Variants in TMEM68 observed in about 807,000 individuals in gnomAD.
TMEM68 encodes the protein DGAT1/2-independent enzyme synthesizing storage lipids.
A neutral mutation model predicts 36.9 loss-of-function variants in TMEM68; 25 were observed. The observed-to-expected ratio is 0.68, with a 90% CI of 0.49 to 0.95. TMEM68 has a LOEUF of 0.95. TMEM68 is among the 40% of genes least tolerant of loss of function. TMEM68 has a pLI of 0.00. For missense variants in TMEM68, 333 were observed against 392.0 expected, an observed-to-expected ratio of 0.85 and a Z score of 1.27; for synonymous variants, 131 against 124.4, an observed-to-expected ratio of 1.05 and a Z score of -0.35.
At chr8:55,758,689 T>C (rs1226079112) in intron 3 of TMEM68, among the ~76,000 whole-genome samples, 1 of 152,128 alleles carries the variant, frequency 6.6e-6, no homozygotes, top group East Asian at 1.9e-4. Flanking sequence ...GCCTGTAGTC[T>C]CAGTTACTTG....
Position 55,754,364 on chromosome 8 carries a change from G to A in TMEM68, c.493+1880C>T, listed in dbSNP as rs577383060. Among the ~76,000 whole-genome samples the A allele has an allele frequency of 1.8e-4, 27 of 148,328 alleles. 1 individual carries two copies. The highest frequency in any genetic ancestry group is 1.4e-3 in the Admixed American group (20 of 14,274). On this transcript the variant is annotated intron_variant, in intron 4 of 7. Transcript: ENST00000434581. ...CGGTTGAACTACTTGGGAGGCTGAG[G>A]TACGAGAATCAGAGGTTGCAATGAG...
chr8:55,757,170 T>G (rs1256355373), intron 3 of TMEM68, among the ~76,000 whole-genome samples: 3 of 152,102 alleles, frequency 2.0e-5, no homozygotes, highest in Non-Finnish European at 4.4e-5. Flanking sequence ...ACCCTACTGA[T>G]GAGAAAAAGC....
At chr8:55,750,802 T>G in intron 5 of TMEM68, 162 bp downstream of exon 5, 1 of 632,350 alleles carries the variant, frequency 1.6e-6, no homozygotes, top group Non-Finnish European at 2.6e-6. Context: ...CCTCCCAAAG[T>G]GCTGAGATTA....
intron 1 of TMEM68, among the ~76,000 whole-genome samples, chr8:55,772,150 C>G (rs1297195885): frequency 6.6e-6 from 1 of 152,102 alleles, no homozygotes; most frequent in African/African-American, 2.4e-5. Flanking sequence ...AGCCTATCTC[C>G]GACCTCAAAG....
Position 55,745,044 on chromosome 8 carries a change from T to C in TMEM68, c.748+17A>G, listed in dbSNP as rs887623013. The C allele has an allele frequency of 1.4e-6, 2 of 1,459,374 alleles. No homozygotes were observed. Among genetic ancestry groups the C allele is most frequent in the East Asian group, 2.6e-5 (1 of 39,022 alleles). 90.4% of individuals were successfully genotyped at this position (1,459,374 alleles called of 1,614,324 possible). A position where few individuals can be genotyped will look rare whatever the true frequency, so the allele number is the denominator to read the frequency against. On this transcript the variant is annotated intron_variant, in intron 6 of 7. Coordinates refer to ENST00000434581, the MANE Select transcript of TMEM68 (RefSeq NM_001286657.2). ...AAAATTACATTGTAATTTAAAACCA[T>C]ACAAATCAGAACTTACTTGTTCCTC...
chr8:55,760,171 A>G (rs1810738323), intron 3 of TMEM68, among the ~76,000 whole-genome samples: 1 of 152,262 alleles, frequency 6.6e-6, no homozygotes, highest in African/African-American at 2.4e-5. Context: ...TGCTGTTGGC[A>G]GTTAGTAGGG....
At chr8:55,762,317 C>T in intron 3 of TMEM68, 1 of 349,438 alleles carries the variant, frequency 2.9e-6, no homozygotes, top group Non-Finnish European at 5.0e-6. Context: ...ATAATTGAAG[C>T]ATTTTTAAAG....
intron 1 of TMEM68, among the ~76,000 whole-genome samples, chr8:55,771,823 G>A (rs1291455380): frequency 6.6e-6 from 1 of 152,142 alleles, no homozygotes; most frequent in Admixed American, 6.5e-5. Flanking sequence ...CTGTTTTACT[G>A]AATAGGACTT....
intron 4 of TMEM68, among the ~76,000 whole-genome samples, chr8:55,752,756 GCT>G (rs1810459555): frequency 7.6e-6 from 1 of 130,962 alleles, no homozygotes; most frequent in Non-Finnish European, 1.6e-5. Flanking sequence ...ACAGGGCCTT[GCT>G]CTGTCACCCA....
At chr8:55,770,668 C>T (rs773195805) in intron 1 of TMEM68, among the ~76,000 whole-genome samples, 10 of 151,882 alleles carry the variant, frequency 6.6e-5, no homozygotes, top group Non-Finnish European at 1.3e-4. Context: ...CTGAGCAAGA[C>T]CCTGTCTCGG....
At chr8:55,760,909 G>A (rs1810770707) in intron 3 of TMEM68, 2 of 152,082 alleles carry the variant, frequency 1.3e-5, no homozygotes, top group African/African-American at 4.8e-5. Flanking sequence ...CTGAGTTTGA[G>A]GATCAACTGT....
At chr8:55,764,202 T>C (rs867691619) in intron 1 of TMEM68, among the ~76,000 whole-genome samples, 1 of 152,230 alleles carries the variant, frequency 6.6e-6, no homozygotes, top group Non-Finnish European at 1.5e-5. Context: ...AGTGCCACTA[T>C]ATAGAGCCCC....
chr8:55,748,315 G>A (rs1019529103), intron 5 of TMEM68, among the ~76,000 whole-genome samples: 3 of 152,122 alleles, frequency 2.0e-5, no homozygotes, highest in Non-Finnish European at 4.4e-5. Context: ...TTACAGGCAT[G>A]TGCCACCACA....
At chr8:55,765,690 A>G (rs1810942874) in intron 1 of TMEM68, among the ~76,000 whole-genome samples, 1 of 152,208 alleles carries the variant, frequency 6.6e-6, no homozygotes, top group African/African-American at 2.4e-5. Flanking sequence ...TGAGCCCAGC[A>G]AAGATTATAC....
intron 3 of TMEM68, among the ~76,000 whole-genome samples, chr8:55,758,429 C>T (rs1250702148): frequency 1.3e-5 from 2 of 152,056 alleles, no homozygotes; most frequent in Non-Finnish European, 2.9e-5. Flanking sequence ...CATAAAATAG[C>T]AAGAAAAAAA....
intron 5 of TMEM68, among the ~76,000 whole-genome samples, chr8:55,748,850 G>A (rs969727442): frequency 3.9e-5 from 6 of 152,052 alleles, no homozygotes; most frequent in African/African-American, 1.4e-4. Context: ...CTTGGCCTCC[G>A]AAAGTGCTGG....
intron 5 of TMEM68, among the ~76,000 whole-genome samples, chr8:55,749,163 G>A (rs1027496043): frequency 6.6e-6 from 1 of 152,112 alleles, no homozygotes; most frequent in African/African-American, 2.4e-5. Context: ...CTCAACTTAT[G>A]TAGACATGAA....
chr8:55,762,945 A>G lies in TMEM68; in HGVS notation c.15T>C (p.Asn5=), dbSNP rs762298004. 1.9e-6 allele frequency: 3 copies of G among 1,576,612 alleles called. No homozygotes were observed. The South Asian group carries it at 3.5e-5, about 18-fold the overall frequency. Residue 5 remains asparagine (N), a synonymous_variant, in exon 3 of 8, where the codon AAT becomes AAC. Coordinates refer to ENST00000434581, the MANE Select transcript of TMEM68 (RefSeq NM_001286657.2). ...AATCCTGTCCTACACCACAGGTTTG[A>G]TTTTTGTCTATCATTTTTCTTCAGG... is the stretch of plus-strand genomic sequence containing the variant. MIDK[N]QTCGVGQDSV... is the part of the protein sequence containing the mutation.
intron 1 of TMEM68, among the ~76,000 whole-genome samples, chr8:55,766,974 T>C (rs968091295): frequency 6.6e-6 from 1 of 152,188 alleles, no homozygotes; most frequent in Non-Finnish European, 1.5e-5. Context: ...TGAGTTTGTA[T>C]CCTGGGAGGC....
Sources: allele counts gnomAD v4.1 joint callset (sites outside exome capture counted in the v4.1 genomes callset), GRCh38; gene constraint gnomAD v4.1.1; transcripts MANE v1.5; gene names NCBI Gene and HGNC (gene_info 2026-07-23, HGNC 2026-07-21).